The following PDZD2 variants were observed in gnomAD, a reference collection of about 807,000 sequenced individuals.
The protein encoded by PDZD2 is PDZ domain containing 2.
Under a neutral mutation model 220.7 loss-of-function variants are expected in PDZD2, and 90 were observed. The ratio of observed to expected loss-of-function variants is 0.41; its 90% CI spans 0.34 to 0.49. The LOEUF (loss-of-function observed/expected upper bound fraction) is 0.49. Ranked by LOEUF, PDZD2 falls within the 20% of genes least tolerant of loss-of-function variation. The pLI is 0.28. For missense variants in PDZD2, 3,174 were observed against 3,608.5 expected (o/e 0.88, Z 3.08); for synonymous variants, 1,375 against 1,450.5 (o/e 0.95, Z 1.18).
intron 2 of PDZD2, among the ~76,000 whole-genome samples, chr5:31,867,634 C>G (rs1738350931): frequency 6.6e-6 from 1 of 152,124 alleles, no homozygotes; most frequent in Admixed American, 6.6e-5. Flanking sequence ...TCCACTAAAT[C>G]TACAGCTTCA....
At chr5:31,747,894 GA>G (rs1750698302) in intron 1 of PDZD2, 1 of 152,256 alleles carries the variant, frequency 6.6e-6, no homozygotes, top group Admixed American at 6.5e-5. Flanking sequence ...ATGGCCCATA[GA>G]CCTGTTGACG....
chr5:31,823,422 C>T (rs569558624), intron 2 of PDZD2, among the ~76,000 whole-genome samples: 14 of 152,192 alleles, frequency 9.2e-5, no homozygotes, highest in East Asian at 5.8e-4. Flanking sequence ...GAGCCAAGAT[C>T]GCGCCATTGC....
intron 2 of PDZD2, among the ~76,000 whole-genome samples, chr5:31,927,524 C>T (rs1286005011): frequency 7.2e-5 from 11 of 152,118 alleles, no homozygotes; most frequent in African/African-American, 4.8e-5. Flanking sequence ...GCTGGGATTA[C>T]AGGTGCCTGC....
At chr5:31,693,880 C>T (rs1747253473) in intron 1 of PDZD2, among the ~76,000 whole-genome samples, 1 of 152,148 alleles carries the variant, frequency 6.6e-6, no homozygotes, top group Non-Finnish European at 1.5e-5. Context: ...TTTCAGATTT[C>T]TCACCTGGAA....
chr5:31,874,567 C>G (rs1278264080), intron 2 of PDZD2, among the ~76,000 whole-genome samples: 1 of 151,970 alleles, frequency 6.6e-6, no homozygotes, highest in African/African-American at 2.4e-5. Context: ...TCAAGACCAG[C>G]CTGGCCAACA....
At chr5:31,678,675 G>A (rs4867074) in intron 1 of PDZD2, among the ~76,000 whole-genome samples, 5,295 of 152,210 alleles carry the variant, frequency 0.035, 100 homozygotes, top group Admixed American at 0.042. Flanking sequence ...GAGTACAGTG[G>A]CACAATCTCG....
At chr5:31,671,156 G>A (rs1289375349) in intron 1 of PDZD2, among the ~76,000 whole-genome samples, 2 of 152,122 alleles carry the variant, frequency 1.3e-5, no homozygotes, top group African/African-American at 4.8e-5. Context: ...TCAGTCCTGT[G>A]GGCCAGGAGG....
At chr5:31,789,146 A>G (rs1753554267) in intron 1 of PDZD2, among the ~76,000 whole-genome samples, 2 of 152,212 alleles carry the variant, frequency 1.3e-5, no homozygotes, top group Admixed American at 1.3e-4. Flanking sequence ...TAGCTGCTCA[A>G]GGTCACAAGA....
At chr5:31,647,575 C>T (rs972696225) in intron 1 of PDZD2, among the ~76,000 whole-genome samples, 4 of 152,280 alleles carry the variant, frequency 2.6e-5, no homozygotes, top group African/African-American at 9.6e-5. Context: ...TTTGTCTTCA[C>T]GTTGCTTTGT....
At chr5:31,709,512 A>G (rs1424697442) in intron 1 of PDZD2, among the ~76,000 whole-genome samples, 1 of 35,086 alleles carries the variant, frequency 2.9e-5, no homozygotes, top group Admixed American at 2.2e-4. Context: ...AAGGTGAGAG[A>G]AAAGGTGAGA....
At chr5:31,923,117 AC>A (rs1344418472) in intron 2 of PDZD2, among the ~76,000 whole-genome samples, 7 of 150,700 alleles carry the variant, frequency 4.6e-5, no homozygotes, top group African/African-American at 1.7e-4. Context: ...ACATGGTGAA[AC>A]CCCCGTCTAT....
intron 1 of PDZD2, among the ~76,000 whole-genome samples, chr5:31,777,458 G>A (rs7710069): frequency 0.45 from 68,165 of 150,766 alleles, 16,042 homozygotes; most frequent in African/African-American, 0.54. Flanking sequence ...CCCCTGCTCC[G>A]TGGCGCCTGG....
At chr5:31,786,446 T>G (rs1753382163) in intron 1 of PDZD2, among the ~76,000 whole-genome samples, 1 of 152,208 alleles carries the variant, frequency 6.6e-6, no homozygotes, top group African/African-American at 2.4e-5. Context: ...CAGTAGGATA[T>G]ATTTCTTCTT....
In PDZD2 at chr5:32,089,701, G is replaced by A. The variant is rs140544837; in HGVS notation, c.6253G>A (p.Glu2085Lys). ...CAACATAATGGCCAGCGATCGCCTC[G>A]AAAGAACAAACCAGCTGAAAATCGT... Reference protein sequence around the residue: ...GGNIMASDRLERTNQLKIVEI... With the variant: ...GGNIMASDRLKRTNQLKIVEI... Residue 2085 changes from glutamate (E) to lysine (K), a missense_variant, in exon 20 of 25, where the codon GAA (glutamate) becomes AAA (lysine). By Grantham distance (56) the Glu-to-Lys change is moderately conservative. Coordinates refer to ENST00000438447, the MANE Select transcript of PDZD2 (RefSeq NM_178140.4). 9.3e-6 allele frequency: 15 copies of A among 1,614,064 alleles called. No homozygotes were observed. Among genetic ancestry groups the A allele is most frequent in the Admixed American group, 5.0e-5 (3 of 60,000 alleles).
chr5:32,107,034 C>T (rs1451528738), intron 24 of PDZD2, among the ~76,000 whole-genome samples: 3 of 152,136 alleles, frequency 2.0e-5, no homozygotes, highest in South Asian at 4.1e-4. Context: ...AGGATGAAAT[C>T]GATACATCTG....
chr5:31,657,162 G>T (rs745701820), intron 1 of PDZD2: 2 of 152,224 alleles, frequency 1.3e-5, no homozygotes, highest in Non-Finnish European at 2.9e-5. Context: ...ATCCAAAGGG[G>T]ATAAGGTTAC....
chr5:31,862,107 T>G lies in PDZD2; in HGVS notation c.476+62383T>G, dbSNP rs1477520601. On this transcript the variant is annotated intron_variant, in intron 2 of 24. Coordinates refer to ENST00000438447, the MANE Select transcript of PDZD2 (RefSeq NM_178140.4). The stretch of plus-strand genomic sequence containing the variant: ...CTCAATGTTTTTTTTTTGGGTTTTT[T>G]TTTTTTTTTTTTTTTTGAGATGGAG... 5.8e-5 allele frequency among the ~76,000 whole-genome samples: 8 copies of G among 137,598 alleles called. 1 individual carries two copies. The South Asian group carries it at 1.3e-3, about 22-fold the overall frequency. The allele number at this position is 137,598 out of a possible 152,430, so 90.3% of individuals were successfully genotyped here.
chr5:32,071,361 A>G (rs1477529160), intron 15 of PDZD2, 23 bp from the exon 16 acceptor site: 4 of 1,574,476 alleles, frequency 2.5e-6, no homozygotes, highest in South Asian at 1.1e-5. Context: ...TTTTGACAAT[A>G]TGGTGAATTT....
chr5:32,072,363 G>A (rs746129887), intron 17 of PDZD2, 46 bp downstream of exon 17: 1 of 1,435,810 alleles, frequency 7.0e-7, no homozygotes, highest in South Asian at 1.3e-5. Context: ...ATTCCAGTCA[G>A]CAGTGACTGG....
Sources: allele counts gnomAD v4.1 joint callset (sites outside exome capture counted in the v4.1 genomes callset), GRCh38; gene constraint gnomAD v4.1.1; transcripts MANE v1.5; gene names NCBI Gene and HGNC (gene_info 2026-07-23, HGNC 2026-07-21).